The following UTRN variants were observed in gnomAD, a reference collection of about 807,000 sequenced individuals.
UTRN encodes utrophin.
A neutral mutation model predicts 463.9 loss-of-function variants in UTRN; 283 were observed. The ratio of observed to expected loss-of-function variants is 0.61; its 90% CI spans 0.55 to 0.67. The LOEUF (loss-of-function observed/expected upper bound fraction) is 0.67. Ranked by LOEUF, UTRN falls within the 30% of genes least tolerant of loss-of-function variation. UTRN has a pLI of 0.00. For synonymous variants in UTRN, 1,442 were observed against 1,431.5 expected (o/e 1.01, Z -0.17); for missense variants, 3,922 against 4,084.3 (o/e 0.96, Z 1.08).
intron 59 of UTRN, among the ~76,000 whole-genome samples, chr6:144,772,821 A>G (rs1794226932): frequency 6.6e-6 from 1 of 152,096 alleles, no homozygotes; most frequent in South Asian, 2.1e-4. Flanking sequence ...TGTTTAACCT[A>G]CTTCCTCTGG....
intron 50 of UTRN, among the ~76,000 whole-genome samples, chr6:144,570,657 G>T (rs909254494): frequency 2.0e-5 from 3 of 152,126 alleles, no homozygotes; most frequent in Non-Finnish European, 4.4e-5. Flanking sequence ...TAGATAATTT[G>T]TCAATGGGTG....
chr6:144,534,792 G>A (rs545189152), intron 43 of UTRN, among the ~76,000 whole-genome samples: 10 of 152,310 alleles, frequency 6.6e-5, no homozygotes, highest in African/African-American at 1.9e-4. Flanking sequence ...GATATGATGC[G>A]CTGTGGAATT....
intron 2 of UTRN, among the ~76,000 whole-genome samples, chr6:144,331,194 A>G (rs913206143): frequency 6.6e-6 from 1 of 152,216 alleles, no homozygotes; most frequent in African/African-American, 2.4e-5. Flanking sequence ...TTTCTAAATA[A>G]TGTCATGAAA....
At chr6:144,824,612 A>ATTT (rs1562955125) in intron 66 of UTRN, among the ~76,000 whole-genome samples, 8 of 39,798 alleles carry the variant, frequency 2.0e-4, no homozygotes, top group East Asian at 1.1e-3. Flanking sequence ...ATATATATAT[A>ATTT]TCTTTTTTTT....
intron 50 of UTRN, among the ~76,000 whole-genome samples, chr6:144,575,344 AAT>A (rs1352259922): frequency 6.6e-6 from 1 of 152,220 alleles, no homozygotes; most frequent in Non-Finnish European, 1.5e-5. Flanking sequence ...ATATTAAGTT[AAT>A]ATTCCAGACA....
intron 2 of UTRN, among the ~76,000 whole-genome samples, chr6:144,359,714 C>T (rs1019436190): frequency 2.7e-4 from 41 of 150,510 alleles, no homozygotes; most frequent in African/African-American, 8.1e-4. Context: ...CCTTTGTCTA[C>T]GCATCGTTTT....
intron 2 of UTRN, among the ~76,000 whole-genome samples, chr6:144,300,981 G>T (rs1805191000): frequency 6.6e-6 from 1 of 151,978 alleles, no homozygotes; most frequent in African/African-American, 2.4e-5. Flanking sequence ...TGTAAATATT[G>T]TCTCAGGGGT....
intron 62 of UTRN, among the ~76,000 whole-genome samples, chr6:144,789,771 C>T (rs1030795551): frequency 6.6e-6 from 1 of 151,794 alleles, no homozygotes; most frequent in Non-Finnish European, 1.5e-5. Flanking sequence ...CAGTCATAGA[C>T]GATAATCCTA....
intron 13 of UTRN, among the ~76,000 whole-genome samples, chr6:144,443,873 G>A (rs904594668): frequency 5.9e-5 from 9 of 151,892 alleles, no homozygotes; most frequent in African/African-American, 2.2e-4. Context: ...AGAGAGTTAA[G>A]GAATATAACA....
Position 144,487,634 on chromosome 6 carries a change from G to A in UTRN, c.3909G>A (p.Leu1303=), listed in dbSNP as rs983025596. The A allele has an allele frequency of 3.1e-6, 5 of 1,613,388 alleles. No individual in the cohort carries two copies. In the African/African-American group the frequency reaches 5.3e-5, roughly 17 times the overall value. ...LGQTLIDGGI[L]DDIISEKLEA... Reference sequence around the variant, plus strand: ...AGACTCTGATTGATGGGGGGATCCTGGATGATATAATCAGTGAGAAACTGG... The same window carrying A: ...AGACTCTGATTGATGGGGGGATCCTAGATGATATAATCAGTGAGAAACTGG... Residue 1303 remains leucine, a synonymous_variant, in exon 29 of 75, where the codon CTG becomes CTA. Coordinates refer to ENST00000367545, the MANE Select transcript of UTRN (RefSeq NM_007124.3).
intron 27 of UTRN, among the ~76,000 whole-genome samples, chr6:144,484,163 C>T (rs750155047): frequency 2.6e-5 from 4 of 152,162 alleles, no homozygotes; most frequent in South Asian, 2.1e-4. Context: ...ACCCCTGGGT[C>T]CCTGCTCTGG....
chr6:144,791,491 G>C (rs1027745694), intron 62 of UTRN, among the ~76,000 whole-genome samples: 7 of 151,490 alleles, frequency 4.6e-5, no homozygotes, highest in African/African-American at 1.7e-4. Flanking sequence ...AGGATCACTT[G>C]AGCCCCAGGA....
chr6:144,492,984 T>G (rs913383700), intron 32 of UTRN, among the ~76,000 whole-genome samples: 5 of 152,222 alleles, frequency 3.3e-5, no homozygotes, highest in Non-Finnish European at 7.3e-5. Context: ...AACATTCTGT[T>G]TTTAGTCCTA....
intron 51 of UTRN, among the ~76,000 whole-genome samples, chr6:144,597,351 T>C (rs2128634724): frequency 6.6e-6 from 1 of 152,318 alleles, no homozygotes; most frequent in African/African-American, 2.4e-5. Flanking sequence ...AAATTCATTT[T>C]TTCCTTTTGC....
At chr6:144,371,722 A>G (rs921437213) in intron 2 of UTRN, among the ~76,000 whole-genome samples, 10 of 150,662 alleles carry the variant, frequency 6.6e-5, no homozygotes, top group African/African-American at 2.5e-4. Flanking sequence ...ATTAACTTTT[A>G]TATTTCACAT....
chr6:144,388,481 A>ATTAT (rs57479570), intron 2 of UTRN, among the ~76,000 whole-genome samples: 10,952 of 143,920 alleles, frequency 0.076, 526 homozygotes, highest in East Asian at 0.14. Context: ...CCTGGCTAAT[A>ATTAT]TTATTTATTT....
intron 2 of UTRN, among the ~76,000 whole-genome samples, chr6:144,388,566 C>T (rs183719883): frequency 2.1e-3 from 323 of 151,908 alleles, no homozygotes; most frequent in Non-Finnish European, 3.1e-3. Context: ...GGTGTGATCA[C>T]GGCTCACTGC....
chr6:144,581,812 G>GA (rs745536187), intron 51 of UTRN, among the ~76,000 whole-genome samples: 36 of 152,220 alleles, frequency 2.4e-4, no homozygotes, highest in Non-Finnish European at 3.8e-4. Context: ...CATTACCTCA[G>GA]AAAGAAACCC....
At chr6:144,567,948 G>A (rs963475321) in intron 50 of UTRN, among the ~76,000 whole-genome samples, 2 of 151,964 alleles carry the variant, frequency 1.3e-5, no homozygotes, top group African/African-American at 4.8e-5. Context: ...AAAATATCAA[G>A]TATTATTTAA....
Sources: allele counts gnomAD v4.1 joint callset (sites outside exome capture counted in the v4.1 genomes callset), GRCh38; gene constraint gnomAD v4.1.1; transcripts MANE v1.5; gene names NCBI Gene and HGNC (gene_info 2026-07-23, HGNC 2026-07-21).